NR6A1: variants seen among roughly 807,000 people sequenced by gnomAD.
NR6A1 encodes retinoic acid receptor-related testis-associated receptor.
NR6A1 carries 7 observed loss-of-function variants against 59.1 expected under a neutral mutation model. The observed-to-expected ratio is 0.12, with a 90% CI of 0.07 to 0.22. NR6A1 has a LOEUF of 0.22. Ranked by LOEUF, NR6A1 falls within the 10% of genes least tolerant of loss-of-function variation. The pLI, the probability that NR6A1 is intolerant of heterozygous loss-of-function variation, is 1.00. For missense variants in NR6A1, 468 were observed against 611.6 expected, an observed-to-expected ratio of 0.77 and a Z score of 2.48; for synonymous variants, 243 against 236.1, an observed-to-expected ratio of 1.03 and a Z score of -0.27.
intron 2 of NR6A1, among the ~76,000 whole-genome samples, chr9:124,701,233 T>C (rs976603341): frequency 1.3e-5 from 2 of 152,192 alleles, no homozygotes; most frequent in Non-Finnish European, 2.9e-5. Flanking sequence ...ATCCTAACAC[T>C]TTCTAGAACA....
chr9:124,693,197 A>G (rs1838618758), intron 2 of NR6A1, among the ~76,000 whole-genome samples: 1 of 152,118 alleles, frequency 6.6e-6, no homozygotes, highest in Non-Finnish European at 1.5e-5. Flanking sequence ...TGACCCCCTA[A>G]GCAAGTGTCT....
At chr9:124,579,635 G>A (rs1262447790) in intron 2 of NR6A1, among the ~76,000 whole-genome samples, 1 of 152,110 alleles carries the variant, frequency 6.6e-6, no homozygotes, top group Non-Finnish European at 1.5e-5. Flanking sequence ...AAAATGTGGA[G>A]CAACTAGAAC....
chr9:124,681,773 T>C (rs754294468), intron 2 of NR6A1, among the ~76,000 whole-genome samples: 33 of 152,194 alleles, frequency 2.2e-4, no homozygotes, highest in Non-Finnish European at 4.4e-4. Flanking sequence ...TTTTTTGATA[T>C]TATGAAATGT....
chr9:124,599,419 CAAAAA>C (rs530668330), intron 2 of NR6A1: 39 of 292,156 alleles, frequency 1.3e-4, no homozygotes, highest in East Asian at 4.4e-4. Context: ...TACATGGTCT[CAAAAA>C]AAAAAAAAAA....
At chr9:124,664,913 C>T (rs761134157) in intron 2 of NR6A1, among the ~76,000 whole-genome samples, 1 of 148,596 alleles carries the variant, frequency 6.7e-6, no homozygotes, top group African/African-American at 2.5e-5. Flanking sequence ...TAGCTCACAC[C>T]TGTAATCCCA....
chr9:124,593,249 T>C (rs1056455873), intron 2 of NR6A1, among the ~76,000 whole-genome samples: 4 of 152,230 alleles, frequency 2.6e-5, no homozygotes, highest in African/African-American at 9.7e-5. Context: ...TAGGAACATC[T>C]GTTTAGCTCA....
At chr9:124,663,349 G>A (rs925730713) in intron 2 of NR6A1, among the ~76,000 whole-genome samples, 4 of 152,152 alleles carry the variant, frequency 2.6e-5, no homozygotes, top group Non-Finnish European at 5.9e-5. Flanking sequence ...AAATTCGGAT[G>A]CCATTCTCAG....
At chr9:124,605,324 C>G (rs540060041) in intron 2 of NR6A1, among the ~76,000 whole-genome samples, 1 of 152,224 alleles carries the variant, frequency 6.6e-6, no homozygotes, top group East Asian at 1.9e-4. Flanking sequence ...GAAAACTAAC[C>G]TGGGCAACAA....
chr9:124,678,759 G>A (rs1436239851), intron 2 of NR6A1, among the ~76,000 whole-genome samples: 1 of 152,078 alleles, frequency 6.6e-6, no homozygotes, highest in Non-Finnish European at 1.5e-5. Context: ...AGTTACAAAG[G>A]GGATATTTGG....
intron 2 of NR6A1, among the ~76,000 whole-genome samples, chr9:124,558,175 G>C (rs1302002147): frequency 6.6e-6 from 1 of 152,188 alleles, no homozygotes; most frequent in African/African-American, 2.4e-5. Flanking sequence ...TCTGGAGCCA[G>C]AGCAAAGAAC....
rs530975597 is a variant in NR6A1 at position 124,744,523 on chromosome 9, G to A, written c.101-11174C>T. On this transcript the variant is annotated intron_variant, in intron 1 of 9. Coordinates refer to ENST00000487099, the MANE Select transcript of NR6A1 (RefSeq NM_033334.4). ...TTGACTAATAAAACCCTACCTTTGCGCAGTGCATGTTCTGCAACAGCCGGA... is the reference window on the plus strand; with the variant it reads ...TTGACTAATAAAACCCTACCTTTGCACAGTGCATGTTCTGCAACAGCCGGA... Among the ~76,000 whole-genome samples, 14 of 152,244 alleles carry A rather than the reference G, an allele frequency of 9.2e-5. No individual in the cohort carries two copies. In the South Asian group the frequency reaches 1.4e-3, roughly 16 times the overall value.
chr9:124,754,533 C>T (rs1840587500), intron 1 of NR6A1, among the ~76,000 whole-genome samples: 1 of 152,120 alleles, frequency 6.6e-6, no homozygotes, highest in African/African-American at 2.4e-5. Context: ...TAGAAATATA[C>T]ATCCTTGTCT....
intron 2 of NR6A1, among the ~76,000 whole-genome samples, chr9:124,622,529 C>T (rs1836107335): frequency 6.6e-6 from 1 of 152,206 alleles, no homozygotes; most frequent in African/African-American, 2.4e-5. Context: ...TACTTAATCA[C>T]ATTCTCTGAG....
chr9:124,555,349 C>T (rs1010027676), intron 2 of NR6A1, among the ~76,000 whole-genome samples: 1 of 152,142 alleles, frequency 6.6e-6, no homozygotes, highest in African/African-American at 2.4e-5. Flanking sequence ...TGAAGCTATG[C>T]CAGCAGGTAC....
rs1261352414 is a variant in NR6A1, at chr9:124,520,951, G to GT, written c.*1753dup. The GT allele has an allele frequency of 6.6e-6, 1 of 152,202 alleles. No homozygotes were observed. The highest frequency in any genetic ancestry group is 2.4e-5 in the African/African-American group (1 of 41,460). The allele number at this position is 152,202 out of a possible 1,614,324, so 9.4% of individuals were successfully genotyped here. A position where few individuals can be genotyped will look rare whatever the true frequency, so the allele number is the denominator to read the frequency against. On this transcript the variant is annotated 3_prime_UTR_variant, in exon 10 of 10. Transcript: ENST00000487099. ...CAAAATCATCACTCTGCTGGTACCC[G>GT]TAACATTTCACCAGAAAGAAACAAT... is the stretch of plus-strand genomic sequence containing the variant.
chr9:124,527,150 G>C (rs1832961200), intron 7 of NR6A1, among the ~76,000 whole-genome samples: 1 of 152,166 alleles, frequency 6.6e-6, no homozygotes. Context: ...CAAGCTATGA[G>C]ATCTTGGCAA....
At chr9:124,570,435 G>A (rs1257558170) in intron 2 of NR6A1, among the ~76,000 whole-genome samples, 2 of 152,192 alleles carry the variant, frequency 1.3e-5, no homozygotes, top group African/African-American at 4.8e-5. Flanking sequence ...TGTTACTGAT[G>A]CCATTAACTG....
intron 2 of NR6A1, among the ~76,000 whole-genome samples, chr9:124,720,709 C>T (rs1470450906): frequency 6.6e-6 from 1 of 152,068 alleles, no homozygotes; most frequent in Non-Finnish European, 1.5e-5. Context: ...CCAAAGAGTA[C>T]CCAGAAAGGG....
intron 7 of NR6A1, among the ~76,000 whole-genome samples, chr9:124,535,037 T>G (rs927729824): frequency 4.4e-4 from 67 of 151,862 alleles, no homozygotes; most frequent in African/African-American, 1.4e-3. Flanking sequence ...GGCAGGGGAA[T>G]GGCATGAAAC....
Sources: allele counts gnomAD v4.1 joint callset (sites outside exome capture counted in the v4.1 genomes callset), GRCh38; gene constraint gnomAD v4.1.1; transcripts MANE v1.5; gene names NCBI Gene and HGNC (gene_info 2026-07-23, HGNC 2026-07-21).